The following NAALADL2 variants were observed in gnomAD, a reference collection of about 807,000 sequenced individuals.
The protein encoded by NAALADL2 is inactive N-acetylated-alpha-linked acidic dipeptidase-like protein 2.
A neutral mutation model predicts 87.2 loss-of-function variants in NAALADL2; 76 were observed. That is an observed-to-expected ratio of 0.87 (90% confidence interval 0.72 to 1.05). The LOEUF (loss-of-function observed/expected upper bound fraction) is 1.05. Among genes scored for constraint, NAALADL2 ranks in the 50% least tolerant of loss-of-function variants. The probability of loss-of-function intolerance (pLI) is 0.00; values close to 1 mark genes in which losing one functional copy is unlikely to be tolerated. For missense variants in NAALADL2, 1,089 were observed against 945.8 expected, an observed-to-expected ratio of 1.15 and a Z score of -1.99; for synonymous variants, 354 against 331.0, an observed-to-expected ratio of 1.07 and a Z score of -0.75.
intron 5 of NAALADL2, among the ~76,000 whole-genome samples, chr3:175,354,091 G>A (rs1764084020): frequency 6.6e-6 from 1 of 152,072 alleles, no homozygotes; most frequent in Non-Finnish European, 1.5e-5. Flanking sequence ...CTCAGCCTTT[G>A]CTCCCAGCCC....
At chr3:175,124,028 G>T (rs781543014) in intron 2 of NAALADL2, among the ~76,000 whole-genome samples, 39 of 151,914 alleles carry the variant, frequency 2.6e-4, no homozygotes, top group African/African-American at 8.9e-4. Flanking sequence ...TTCCAAATCA[G>T]ATTGCAGACC....
intron 11 of NAALADL2, among the ~76,000 whole-genome samples, chr3:175,717,346 C>T (rs918323948): frequency 7.9e-5 from 12 of 152,056 alleles, no homozygotes; most frequent in African/African-American, 1.9e-4. Flanking sequence ...CCTCTAAGAA[C>T]GATTCAGCCT....
At chr3:175,446,197 C>A (rs569769316) in intron 5 of NAALADL2, among the ~76,000 whole-genome samples, 5 of 125,580 alleles carry the variant, frequency 4.0e-5, no homozygotes, top group Admixed American at 3.4e-4. Context: ...TTCTGTATGC[C>A]AAAAGAGAAA....
chr3:174,723,541 G>A (rs1012470387), intron 2 of NAALADL2, among the ~76,000 whole-genome samples: 6 of 152,016 alleles, frequency 3.9e-5, no homozygotes, highest in Admixed American at 1.3e-4. Flanking sequence ...GGATCACAAG[G>A]TCAGGAGATC....
chr3:175,590,579 C>CAG (rs1279398138), intron 10 of NAALADL2, among the ~76,000 whole-genome samples: 1 of 152,054 alleles, frequency 6.6e-6, no homozygotes, highest in Non-Finnish European at 1.5e-5. Flanking sequence ...AATCTATCTG[C>CAG]AGATCAACAT....
chr3:175,475,570 G>A (rs1725578517), intron 9 of NAALADL2, among the ~76,000 whole-genome samples: 2 of 152,136 alleles, frequency 1.3e-5, no homozygotes, highest in Admixed American at 1.3e-4. Flanking sequence ...AAAACCTGCA[G>A]CATTTGCACA....
intron 2 of NAALADL2, among the ~76,000 whole-genome samples, chr3:175,224,718 G>T (rs544716117): frequency 6.6e-6 from 1 of 152,244 alleles, no homozygotes; most frequent in Admixed American, 6.5e-5. Flanking sequence ...CTTATTTCTG[G>T]TCTAGCAAGA....
rs966240053 is a variant in NAALADL2 at position 175,744,704 on chromosome 3, CCTTA to C, written c.1990+7309_1990+7312del. Among the ~76,000 whole-genome samples the C allele has an allele frequency of 7.9e-5, 12 of 152,098 alleles. No homozygotes were observed. In the South Asian group the frequency reaches 1.0e-3, roughly 13 times the overall value. On this transcript the variant is annotated intron_variant, in intron 12 of 13. Transcript: ENST00000454872. ...AGGCATCAGTTCTATTTTAGTTATGCCTTACTTCTAAAAATGGAATACAGTAAAG... is the reference window on the plus strand; with the variant it reads ...AGGCATCAGTTCTATTTTAGTTATGCCTTCTAAAAATGGAATACAGTAAAG...
intron 2 of NAALADL2, among the ~76,000 whole-genome samples, chr3:174,706,254 CAGA>C (rs1251903872): frequency 2.6e-5 from 4 of 152,078 alleles, no homozygotes; most frequent in African/African-American, 9.7e-5. Context: ...TATCCATGTG[CAGA>C]AGAATGAAGT....
chr3:174,611,950 C>T (rs547966517), intron 2 of NAALADL2, among the ~76,000 whole-genome samples: 55 of 151,754 alleles, frequency 3.6e-4, no homozygotes, highest in Middle Eastern at 3.4e-3. Context: ...GACGTGCTCC[C>T]TTTAGCATTT....
intron 11 of NAALADL2, among the ~76,000 whole-genome samples, chr3:175,644,749 A>G (rs76149305): frequency 0.1 from 15,581 of 152,212 alleles, 1,043 homozygotes; most frequent in Non-Finnish European, 0.16. Context: ...TGTAAAAATT[A>G]GCTTGTCAAA....
intron 3 of NAALADL2, among the ~76,000 whole-genome samples, chr3:174,743,079 A>C (rs941822494): frequency 6.6e-6 from 1 of 151,766 alleles, no homozygotes; most frequent in Non-Finnish European, 1.5e-5. Flanking sequence ...TCCTGGTATC[A>C]ATCTGATGTG....
intron 10 of NAALADL2, among the ~76,000 whole-genome samples, chr3:175,585,945 T>G (rs1468735220): frequency 6.6e-6 from 1 of 152,176 alleles, no homozygotes; most frequent in African/African-American, 2.4e-5. Context: ...AGTAGAATAT[T>G]TTTAGATTTG....
At chr3:175,233,013 G>A (rs1745215525) in intron 2 of NAALADL2, among the ~76,000 whole-genome samples, 4 of 152,076 alleles carry the variant, frequency 2.6e-5, no homozygotes, top group Admixed American at 2.6e-4. Flanking sequence ...TATGTCATAA[G>A]CAAAAATCGT....
chr3:174,870,320 T>TGG (rs1727664010), intron 1 of NAALADL2, among the ~76,000 whole-genome samples: 1 of 152,182 alleles, frequency 6.6e-6, no homozygotes, highest in Non-Finnish European at 1.5e-5. Flanking sequence ...GGAACACCCA[T>TGG]GCTCCACTGC....
intron 1 of NAALADL2, among the ~76,000 whole-genome samples, chr3:174,872,426 T>C (rs909751566): frequency 1.3e-5 from 2 of 152,186 alleles, no homozygotes; most frequent in Non-Finnish European, 2.9e-5. Context: ...CATATAATGA[T>C]GGTTTACTTG....
At chr3:175,410,575 C>A (rs1713315183) in intron 5 of NAALADL2, among the ~76,000 whole-genome samples, 1 of 150,206 alleles carries the variant, frequency 6.7e-6, no homozygotes, top group African/African-American at 2.5e-5. Context: ...AACATCCTTG[C>A]TCTTACAGAG....
At chr3:174,944,427 C>A (rs941485830) in intron 1 of NAALADL2, among the ~76,000 whole-genome samples, 1 of 152,114 alleles carries the variant, frequency 6.6e-6, no homozygotes, top group African/African-American at 2.4e-5. Flanking sequence ...GATGTTGGCC[C>A]ACCCCTCCCC....
intron 2 of NAALADL2, among the ~76,000 whole-genome samples, chr3:174,588,006 A>G (rs887597128): frequency 2.7e-4 from 41 of 152,164 alleles, no homozygotes; most frequent in Non-Finnish European, 4.9e-4. Context: ...TTTCAGGTAC[A>G]CCAATCAGAT....
Sources: gnomAD v4.1 joint callset for allele counts (sites outside exome capture counted in the v4.1 genomes callset) on GRCh38, gnomAD v4.1.1 for gene constraint, MANE v1.5 for transcripts, NCBI Gene and HGNC (gene_info 2026-07-23, HGNC 2026-07-21) for gene names.